Variants in MEGF6 observed in about 807,000 individuals in gnomAD.
MEGF6 encodes multiple EGF like domains 6.
In MEGF6, 184 loss-of-function variants were observed where a neutral mutation model predicts 207.1. The observed-to-expected ratio is 0.89, with a 90% CI of 0.79 to 1.00. The LOEUF is 1.00. Among genes scored for constraint, MEGF6 ranks in the 50% least tolerant of loss-of-function variants. The probability of loss-of-function intolerance (pLI) is 0.00; values close to 1 mark genes in which losing one functional copy is unlikely to be tolerated. For synonymous variants in MEGF6, 1,038 were observed against 910.0 expected, an observed-to-expected ratio of 1.14 and a Z score of -2.53; for missense variants, 2,282 against 2,202.9, an observed-to-expected ratio of 1.04 and a Z score of -0.72.
intron 4 of MEGF6, among the ~76,000 whole-genome samples, chr1:3,543,401 A>T (rs1197982280): frequency 6.6e-6 from 1 of 152,210 alleles, no homozygotes; most frequent in East Asian, 1.9e-4. Context: ...CCCCTGAGCC[A>T]TGCGCTCACT....
intron 8 of MEGF6, 25 bp from the exon 9 acceptor site, chr1:3,511,712 G>A (rs779515833): frequency 1.3e-6 from 2 of 1,591,320 alleles, no homozygotes; most frequent in Non-Finnish European, 1.7e-6. Flanking sequence ...GCCACCCAGG[G>A]TATGGGATGG....
chr1:3,510,177 C>A (rs940006617), intron 10 of MEGF6, among the ~76,000 whole-genome samples, 185 bp from the exon 11 acceptor site: 19 of 152,168 alleles, frequency 1.2e-4, no homozygotes, highest in Non-Finnish European at 2.5e-4. Context: ...ATCCTCCCAG[C>A]CCAGGGTCAG....
At chr1:3,512,688 C>T (rs1405664629) in intron 7 of MEGF6, among the ~76,000 whole-genome samples, 1 of 152,248 alleles carries the variant, frequency 6.6e-6, no homozygotes, top group Non-Finnish European at 1.5e-5. Context: ...GTGACTTGCT[C>T]CTCCTGGCCT....
chr1:3,522,719 C>T (rs1641801826), intron 5 of MEGF6, among the ~76,000 whole-genome samples: 1 of 152,048 alleles, frequency 6.6e-6, no homozygotes, highest in African/African-American at 2.4e-5. Flanking sequence ...CAAGGCCCCC[C>T]CACTCACAGT....
At chr1:3,553,872 G>T (rs1642959426) in intron 4 of MEGF6, among the ~76,000 whole-genome samples, 1 of 152,194 alleles carries the variant, frequency 6.6e-6, no homozygotes, top group Admixed American at 6.5e-5. Context: ...GAACAGGTGG[G>T]CCCGGGAGCA....
chr1:3,507,840 C>T lies in MEGF6; in HGVS notation c.1744G>A (p.Ala582Thr), dbSNP rs746333488. The change falls in exon 14 of 37, where the codon GCC becomes ACC. Residue 582 changes from alanine to threonine, a missense_variant. Coordinates refer to ENST00000356575, the MANE Select transcript of MEGF6 (RefSeq NM_001409.4). ...CTGACACCCGGGGGGCAGCGGCAGG[C>T]CCCCGTGACAGAGTCGCAGGTCCCA... ...NGGTCDSVTG[A>T]CRCPPGVSGT... 1.2e-6 allele frequency: 2 copies of T among 1,612,742 alleles called. No individual in the cohort carries two copies. Among genetic ancestry groups the T allele is most frequent in the Non-Finnish European group, 1.7e-6 (2 of 1,179,924 alleles).
At chr1:3,620,193 G>A in the MEGF6 span, among the ~76,000 whole-genome samples, 5 of 152,190 alleles carry the variant, frequency 3.3e-5, no homozygotes, top group African/African-American at 7.2e-5. Flanking sequence ...AGTCATGTGC[G>A]TTCACAAGGA....
chr1:3,584,440 C>A (rs976799218), intron 3 of MEGF6, among the ~76,000 whole-genome samples: 1 of 152,220 alleles, frequency 6.6e-6, no homozygotes, highest in Non-Finnish European at 1.5e-5. Context: ...GGGTGACCAC[C>A]AGGCGGATCA....
chr1:3,529,151 C>G (rs963286098), intron 4 of MEGF6, among the ~76,000 whole-genome samples: 2 of 152,200 alleles, frequency 1.3e-5, no homozygotes, highest in African/African-American at 4.8e-5. Context: ...GATCCAGGAC[C>G]ATCCCGTGCT....
intron 3 of MEGF6, among the ~76,000 whole-genome samples, chr1:3,585,187 G>C (rs1411906013): frequency 6.8e-6 from 1 of 147,690 alleles, no homozygotes; most frequent in Non-Finnish European, 1.5e-5. Flanking sequence ...GTGGGTGTGA[G>C]TGACACATGT....
intron 4 of MEGF6, among the ~76,000 whole-genome samples, chr1:3,542,363 T>C (rs980411720): frequency 1.3e-5 from 2 of 152,146 alleles, no homozygotes; most frequent in Admixed American, 6.5e-5. Flanking sequence ...ATTTTATAGG[T>C]GGGAATGTTC....
At chr1:3,508,224 C>T (rs973305129) in intron 13 of MEGF6, among the ~76,000 whole-genome samples, 3 of 152,312 alleles carry the variant, frequency 2.0e-5, no homozygotes, top group African/African-American at 4.8e-5. Flanking sequence ...CCCCACCTGC[C>T]GGCTGCCCTT....
At chr1:3,509,000 T>G (rs1330807043) in intron 12 of MEGF6, 75 bp downstream of exon 12, 1 of 1,415,786 alleles carries the variant, frequency 7.1e-7, no homozygotes, top group Non-Finnish European at 9.3e-7. Flanking sequence ...TCTGATTGGA[T>G]GGCAGCCTAG....
chr1:3,543,449 G>A (rs551257265), intron 4 of MEGF6, among the ~76,000 whole-genome samples: 79 of 152,390 alleles, frequency 5.2e-4, no homozygotes, highest in African/African-American at 1.8e-3. Context: ...GGGGAGGCTG[G>A]GCTGGCAGAG....
chr1:3,619,386 C>G, the MEGF6 span, among the ~76,000 whole-genome samples: 6 of 152,168 alleles, frequency 3.9e-5, no homozygotes, highest in African/African-American at 1.4e-4. Flanking sequence ...ACATGTGTCC[C>G]CCAGAAAGGC....
At chr1:3,514,247 CAA>C (rs34128030) in intron 7 of MEGF6, among the ~76,000 whole-genome samples, 93 of 118,650 alleles carry the variant, frequency 7.8e-4, no homozygotes, top group Middle Eastern at 4.7e-3. Flanking sequence ...GACTCCGTCT[CAA>C]AAAAAAAAAA....
the MEGF6 span, among the ~76,000 whole-genome samples, chr1:3,618,507 C>G: frequency 6.6e-6 from 1 of 152,162 alleles, no homozygotes; most frequent in East Asian, 1.9e-4. The surrounding 1 kb of genome is among the most constrained non-coding windows in gnomAD (Gnocchi z 4.7). Context: ...AAATTACCAT[C>G]AACGCGACTC....
intron 2 of MEGF6, among the ~76,000 whole-genome samples, chr1:3,599,671 C>A (rs1644128529): frequency 6.6e-6 from 1 of 152,172 alleles, no homozygotes; most frequent in African/African-American, 2.4e-5. Flanking sequence ...GAGGGCCTGG[C>A]GGCAGTCTCG....
intron 1 of MEGF6, among the ~76,000 whole-genome samples, chr1:3,608,524 G>A (rs925958541): frequency 1.3e-5 from 2 of 151,886 alleles, no homozygotes; most frequent in South Asian, 2.1e-4. Flanking sequence ...TGCAGGGCCC[G>A]ACCCGCCCTG....
Sources: gnomAD v4.1 joint callset for allele counts (sites outside exome capture counted in the v4.1 genomes callset) on GRCh38, gnomAD v4.1.1 for gene constraint, Gnocchi (gnomAD v3.1) non-coding constraint, MANE v1.5 for transcripts, NCBI Gene and HGNC (gene_info 2026-07-23, HGNC 2026-07-21) for gene names.